DTNA: variants seen among roughly 807,000 people sequenced by gnomAD.
DTNA encodes the protein dystrobrevin alpha.
Under a neutral mutation model 100.7 loss-of-function variants are expected in DTNA, and 43 were observed. That is an observed-to-expected ratio of 0.43 (90% CI 0.33 to 0.55). The LOEUF (loss-of-function observed/expected upper bound fraction) is 0.55. DTNA is among the 20% of genes least tolerant of loss of function. The pLI, the probability that DTNA is intolerant of heterozygous loss-of-function variation, is 0.04. For synonymous variants in DTNA, 349 were observed against 347.9 expected (o/e 1.00, Z -0.04); for missense variants, 798 against 953.9 (o/e 0.84, Z 2.15).
chr18:34,778,224 T>A (rs1250809814), intron 3 of DTNA, among the ~76,000 whole-genome samples: 1 of 152,172 alleles, frequency 6.6e-6, no homozygotes, highest in Non-Finnish European at 1.5e-5. Flanking sequence ...TGGGGAGGGA[T>A]GATTACATCA....
intron 1 of DTNA, among the ~76,000 whole-genome samples, chr18:34,713,440 C>T (rs2083300082): frequency 6.6e-6 from 1 of 152,092 alleles, no homozygotes; most frequent in Non-Finnish European, 1.5e-5. Context: ...AATGATTAAA[C>T]TTAGATATGC....
intron 13 of DTNA, among the ~76,000 whole-genome samples, chr18:34,841,086 AG>A (rs144858939): frequency 0.11 from 16,373 of 152,142 alleles, 1,073 homozygotes; most frequent in South Asian, 0.16. Context: ...TAGTCCTTAA[AG>A]TAAGCCCATG....
chr18:34,889,651 C>T lies in DTNA; in HGVS notation c.*1917C>T, dbSNP rs191833021. 1,175 of 985,756 alleles carry T rather than the reference C, an allele frequency of 1.2e-3. 1 individual carries two copies. The highest frequency in any genetic ancestry group is 3.2e-3 in the Admixed American group (52 of 16,276). The allele number at this position is 985,756 out of a possible 1,614,324, so 61.1% of individuals were successfully genotyped here. On this transcript the variant is annotated 3_prime_UTR_variant, in exon 23 of 23. Transcript: ENST00000444659. Reference sequence around the variant, plus strand: ...TCTGCGTTTGGTCAGACATCATCTCCTTGGCTGCCCTTTGAAACCAAATCA... The same window carrying T: ...TCTGCGTTTGGTCAGACATCATCTCTTTGGCTGCCCTTTGAAACCAAATCA...
chr18:34,575,509 G>C (rs2048028354), intron 1 of DTNA, among the ~76,000 whole-genome samples: 1 of 151,984 alleles, frequency 6.6e-6, no homozygotes, highest in Non-Finnish European at 1.5e-5. Context: ...TTCTCATGTA[G>C]AATTTTTTCC....
intron 1 of DTNA, among the ~76,000 whole-genome samples, chr18:34,684,730 T>C (rs2078629577): frequency 6.6e-6 from 1 of 152,192 alleles, no homozygotes; most frequent in Non-Finnish European, 1.5e-5. Context: ...CACACTGTCT[T>C]CCACAATGGT....
chr18:34,672,578 T>C (rs2076898816), intron 1 of DTNA, among the ~76,000 whole-genome samples: 1 of 152,156 alleles, frequency 6.6e-6, no homozygotes, highest in Non-Finnish European at 1.5e-5. Context: ...ATAAAGTACG[T>C]GAATAAAGGA....
chr18:34,508,417 G>T (rs2040708090), intron 1 of DTNA, among the ~76,000 whole-genome samples: 1 of 152,108 alleles, frequency 6.6e-6, no homozygotes, highest in Non-Finnish European at 1.5e-5. Flanking sequence ...TTTCTCTGGG[G>T]TCATGTGAGA....
rs543834279 is a variant in DTNA at position 34,815,720 on chromosome 18, G to T, written c.604-189G>T. On this transcript the variant is annotated intron_variant, in intron 6 of 22. Transcript: ENST00000444659. ...GAGAATTCAGTCCTATGTCTGCTTA[G>T]GTATAAAAAGCAAACGATGTTTTCA... 9 of 577,470 alleles carry T rather than the reference G, an allele frequency of 1.6e-5. No homozygotes were observed. In the East Asian group the frequency reaches 2.8e-4, roughly 18 times the overall value. The allele number at this position is 577,470 out of a possible 1,614,324, so 35.8% of individuals were successfully genotyped here.
chr18:34,567,234 G>T (rs1336404467), intron 1 of DTNA, among the ~76,000 whole-genome samples: 3 of 152,046 alleles, frequency 2.0e-5, no homozygotes, highest in Non-Finnish European at 4.4e-5. Flanking sequence ...TATTTTAATT[G>T]TTAACAATCA....
chr18:34,698,018 C>A (rs1027260294), intron 1 of DTNA, among the ~76,000 whole-genome samples: 5 of 152,160 alleles, frequency 3.3e-5, no homozygotes, highest in African/African-American at 1.2e-4. Flanking sequence ...ATTCCCTTGA[C>A]ACACTCCTTC....
chr18:34,868,892 C>T (rs943499158), intron 17 of DTNA: 21 of 596,524 alleles, frequency 3.5e-5, no homozygotes, highest in African/African-American at 1.6e-4. Flanking sequence ...ACTCATAAAA[C>T]GTTTAATAAT....
chr18:34,806,344 G>A, intron 5 of DTNA, 40 bp downstream of exon 5: 1 of 1,565,054 alleles, frequency 6.4e-7, no homozygotes, highest in Non-Finnish European at 8.8e-7. Context: ...GCTTTTCCTT[G>A]CTAGGTACCA....
chr18:34,608,845 C>T (rs2053642232), intron 1 of DTNA, among the ~76,000 whole-genome samples: 1 of 152,134 alleles, frequency 6.6e-6, no homozygotes, highest in South Asian at 2.1e-4. Flanking sequence ...CAAATTTAAC[C>T]TTGGATTGGC....
At chr18:34,775,064 A>T (rs1190613587) in intron 3 of DTNA, among the ~76,000 whole-genome samples, 2 of 152,240 alleles carry the variant, frequency 1.3e-5, no homozygotes, top group Non-Finnish European at 2.9e-5. Flanking sequence ...CCCATGCATA[A>T]TCCCCAGGAC....
chr18:34,833,501 G>C (rs1320328755), intron 11 of DTNA, among the ~76,000 whole-genome samples: 2 of 151,890 alleles, frequency 1.3e-5, no homozygotes, highest in African/African-American at 4.8e-5. Flanking sequence ...AAAAGGAAGT[G>C]GTGAGAAGCC....
intron 4 of DTNA, 132 bp downstream of exon 4, chr18:34,794,382 CT>C: frequency 1.0e-6 from 1 of 977,676 alleles, no homozygotes; most frequent in Non-Finnish European, 1.5e-6. Context: ...ACAGTGGATG[CT>C]TATGTCAGTA....
At position 34,882,087 on chromosome 18, in the gene DTNA, T is replaced by A. The variant is rs564742185; in HGVS notation, c.2181T>A (p.Asp727Glu). The A allele has an allele frequency of 5.0e-6, 8 of 1,614,082 alleles. No homozygotes were observed. In the Admixed American group the frequency reaches 1.2e-4, roughly 24 times the overall value. Residue 727 changes from aspartate (D) to glutamate (E), a missense_variant, in exon 21 of 23, where the codon GAT (aspartate) becomes GAA (glutamate). Around this residue, in one of 6 missense-constraint regions of DTNA, gnomAD observed 242 missense variants for 238.2 expected, o/e 1.02. Transcript: ENST00000444659. ...TTTTCAGGGTTACGGAGGATGCAGATCCCTATGTGCAGCCTGAAGATGAAA... is the reference window on the plus strand; with the variant it reads ...TTTTCAGGGTTACGGAGGATGCAGAACCCTATGTGCAGCCTGAAGATGAAA... The part of the protein sequence containing the change: ...MRGDMVTEDA[D>E]PYVQPEDENY...
At chr18:34,505,845 G>A (rs964539999) in intron 1 of DTNA, among the ~76,000 whole-genome samples, 1 of 152,076 alleles carries the variant, frequency 6.6e-6, no homozygotes, top group Non-Finnish European at 1.5e-5. Flanking sequence ...TCTGTTGATT[G>A]TCGTCTTTCA....
At chr18:34,843,665 T>G (rs2096315926) in intron 13 of DTNA, among the ~76,000 whole-genome samples, 1 of 152,112 alleles carries the variant, frequency 6.6e-6, no homozygotes. Context: ...TTAACTGTAA[T>G]TAAAGGCCCT....
Sources: allele counts gnomAD v4.1 joint callset (sites outside exome capture counted in the v4.1 genomes callset), GRCh38; gene constraint gnomAD v4.1.1; regional missense constraint gnomAD v4.1.1; transcripts MANE v1.5; gene names NCBI Gene and HGNC (gene_info 2026-07-23, HGNC 2026-07-21).